MKRN1: variants seen among roughly 807,000 people sequenced by gnomAD.
MKRN1 encodes the protein makorin ring finger protein 1.
In MKRN1, 9 loss-of-function variants were observed where a neutral mutation model predicts 55.5. The ratio of observed to expected loss-of-function variants is 0.16; its 90% CI spans 0.10 to 0.28. The LOEUF (loss-of-function observed/expected upper bound fraction) is 0.28. Ranked by LOEUF, MKRN1 falls within the 10% of genes least tolerant of loss-of-function variation. The pLI is 1.00. For synonymous variants in MKRN1, 253 were observed against 235.9 expected (o/e 1.07, Z -0.66); for missense variants, 488 against 626.7 (o/e 0.78, Z 2.36).
At chr7:140,456,110 G>GTT in intron 5 of MKRN1, 1 of 875,498 alleles carries the variant, frequency 1.1e-6, no homozygotes, top group South Asian at 4.0e-5. Flanking sequence ...GGGCTAGCCA[G>GTT]TTCTTTTTTT....
intron 5 of MKRN1, chr7:140,456,149 A>G: frequency 1.7e-6 from 2 of 1,196,786 alleles, no homozygotes; most frequent in South Asian, 6.1e-5. Context: ...ACTTAGGTAA[A>G]AAACAAAAAC....
chr7:140,458,861 C>T, intron 4 of MKRN1, 146 bp downstream of exon 4: 2 of 808,404 alleles, frequency 2.5e-6, no homozygotes, highest in Admixed American at 5.3e-5. Context: ...ATAAAGCATC[C>T]AAGAAGCCCA....
At chr7:140,479,000 G>A (rs1332259664) in intron 1 of MKRN1, 160 bp downstream of exon 1, 8 of 893,628 alleles carry the variant, frequency 9.0e-6, no homozygotes, top group Non-Finnish European at 1.2e-5. Context: ...GGGGAACGCG[G>A]CGGCAGCGGG....
At chr7:140,465,416 G>A (rs966011900) in intron 2 of MKRN1, among the ~76,000 whole-genome samples, 3 of 151,856 alleles carry the variant, frequency 2.0e-5, no homozygotes, top group African/African-American at 7.3e-5. Context: ...GGGAGGTGGA[G>A]GTTGTGACAT....
chr7:140,455,341 T>C, intron 6 of MKRN1, 108 bp from the exon 7 acceptor site: 1 of 1,359,008 alleles, frequency 7.4e-7, no homozygotes, highest in Non-Finnish European at 1.0e-6. Context: ...GTATGTCAGC[T>C]TACAGCCCTC....
chr7:140,457,242 A>G (rs1292641552), intron 4 of MKRN1, among the ~76,000 whole-genome samples: 4 of 152,134 alleles, frequency 2.6e-5, no homozygotes, highest in Admixed American at 6.5e-5. Flanking sequence ...GTCGGAAAAT[A>G]AGGGTGACAG....
chr7:140,474,432 TG>T, intron 1 of MKRN1: 1 of 363,660 alleles, frequency 2.7e-6, no homozygotes, highest in Non-Finnish European at 5.7e-6. Context: ...GAACTCGCAG[TG>T]GGTTGGGGGG....
intron 6 of MKRN1, chr7:140,455,494 CAT>C (rs910215695): frequency 5.2e-6 from 3 of 571,532 alleles, no homozygotes; most frequent in Non-Finnish European, 9.3e-6. Context: ...AAAGCCAACA[CAT>C]GAGAACATAG....
intron 2 of MKRN1, among the ~76,000 whole-genome samples, chr7:140,466,810 C>CAAAAAAAAAAAAAAAAAA (rs563645827): frequency 1.1e-5 from 1 of 87,200 alleles, no homozygotes; most frequent in Non-Finnish European, 2.1e-5. Flanking sequence ...GACTCCGTCT[C>CAAAAAAAAAAAAAAAAAA]AAAAAAAAAA....
chr7:140,455,152 A>G lies in MKRN1; in HGVS notation c.1179T>C (p.Pro393=). Residue 393 remains proline (P), a synonymous_variant, in exon 7 of 8, where the codon CCT becomes CCC. Coordinates refer to ENST00000255977, the MANE Select transcript of MKRN1 (RefSeq NM_013446.4). ...GGNCFYKHAY[P]DGRREEPQRQ... ...TCTGTGGCTCCTCTCTACGGCCATC[A>G]GGGTACGCATGCTTGTAAAAACAGT... 6.2e-7 allele frequency: 1 copy of G among 1,614,036 alleles called. No individual in the cohort carries two copies. Among genetic ancestry groups the G allele is most frequent in the Non-Finnish European group, 8.5e-7 (1 of 1,179,998 alleles).
At chr7:140,457,033 G>GTTT in intron 4 of MKRN1, 167 bp from the exon 5 acceptor site, 1 of 602,882 alleles carries the variant, frequency 1.7e-6, no homozygotes, top group Non-Finnish European at 2.7e-6. Flanking sequence ...CAGGTGTGGT[G>GTTT]TTTTTTTTTT....
chr7:140,456,360 T>A, intron 5 of MKRN1: 3 of 1,275,570 alleles, frequency 2.4e-6, no homozygotes, highest in Non-Finnish European at 3.0e-6. Flanking sequence ...CAGAGCTAGA[T>A]CAGTTTGTTC....
intron 2 of MKRN1, among the ~76,000 whole-genome samples, chr7:140,466,230 C>A (rs1190529745): frequency 6.6e-6 from 1 of 152,192 alleles, no homozygotes; most frequent in African/African-American, 2.4e-5. Flanking sequence ...CTGTACTCAA[C>A]AATTATCACC....
intron 2 of MKRN1, among the ~76,000 whole-genome samples, chr7:140,468,940 C>T (rs1044674938): frequency 2.0e-5 from 3 of 152,056 alleles, no homozygotes; most frequent in Admixed American, 6.6e-5. Context: ...TGTGGGATGA[C>T]TTAACATTAA....
At chr7:140,474,008 AGAAAGAAAG>A (rs1563096886) in intron 1 of MKRN1, among the ~76,000 whole-genome samples, 1 of 21,962 alleles carries the variant, frequency 4.6e-5, no homozygotes, top group Non-Finnish European at 7.6e-5. Context: ...AAAAAAAAAA[AGAAAGAAAG>A]AAAGAAAGAA....
At chr7:140,458,090 G>A (rs1794516432) in intron 4 of MKRN1, among the ~76,000 whole-genome samples, 2 of 152,166 alleles carry the variant, frequency 1.3e-5, no homozygotes. Context: ...GTAAAATCCT[G>A]CAGCCACTGT....
In MKRN1 at chr7:140,459,870, G is replaced by A. The variant is rs750815147; in HGVS notation, c.381C>T (p.Ser127=). Residue 127 remains serine (S), a synonymous_variant, in exon 3 of 8, where the codon TCC becomes TCT. Transcript: ENST00000255977. The part of the protein sequence containing the change: ...ATATELTTKS[S]LAASSSLSSI... ...ATGAGAGACTTGAGGAAGCAGCAAG[G>A]GATGACTTTGTAGTTAGCTCTGTAG... 7 of 1,613,890 alleles carry A rather than the reference G, an allele frequency of 4.3e-6. No homozygotes were observed. The highest frequency in any genetic ancestry group is 5.9e-6 in the Non-Finnish European group (7 of 1,179,856).
intron 1 of MKRN1, among the ~76,000 whole-genome samples, chr7:140,477,526 C>G (rs544913585): frequency 6.2e-4 from 95 of 152,148 alleles, no homozygotes; most frequent in African/African-American, 2.2e-3. Flanking sequence ...GTTTCACCAT[C>G]TTGGCCAGGC....
intron 2 of MKRN1, among the ~76,000 whole-genome samples, chr7:140,469,597 G>A (rs1179625624): frequency 6.6e-6 from 1 of 151,962 alleles, no homozygotes; most frequent in East Asian, 2.0e-4. Context: ...AAGCTGCAAG[G>A]ATACTAAAGT....
Sources: allele counts gnomAD v4.1 joint callset (sites outside exome capture counted in the v4.1 genomes callset), GRCh38; gene constraint gnomAD v4.1.1; transcripts MANE v1.5; gene names NCBI Gene and HGNC (gene_info 2026-07-23, HGNC 2026-07-21).